Variants in CCDC149 observed in about 807,000 individuals in gnomAD.
CCDC149 encodes the protein coiled-coil domain containing 149.
In CCDC149, 45 loss-of-function variants were observed where a neutral mutation model predicts 59.9. That is an observed-to-expected ratio of 0.75 (90% CI 0.59 to 0.96). CCDC149 has a LOEUF of 0.96. Ranked by LOEUF, CCDC149 falls within the 40% of genes least tolerant of loss-of-function variation. The pLI is 0.00. For synonymous variants in CCDC149, 245 were observed against 260.6 expected, an observed-to-expected ratio of 0.94 and a Z score of 0.58; for missense variants, 584 against 664.7, an observed-to-expected ratio of 0.88 and a Z score of 1.33.
chr4:24,965,737 C>G (rs968682057), intron 1 of CCDC149, among the ~76,000 whole-genome samples: 1 of 152,188 alleles, frequency 6.6e-6, no homozygotes, highest in African/African-American at 2.4e-5. Flanking sequence ...ACTCGAAAAA[C>G]AAGGGCCAAT....
chr4:24,816,123 A>G (rs142465303), intron 12 of CCDC149, among the ~76,000 whole-genome samples: 1 of 152,048 alleles, frequency 6.6e-6, no homozygotes, highest in South Asian at 2.1e-4. Context: ...AGGATCTCAC[A>G]CTGTCCCAGG....
At chr4:24,825,678 C>A (rs1715685048) in intron 9 of CCDC149, among the ~76,000 whole-genome samples, 1 of 151,148 alleles carries the variant, frequency 6.6e-6, no homozygotes, top group Non-Finnish European at 1.5e-5. Context: ...GAGGCTGAGG[C>A]AGGAGAATGG....
chr4:24,914,914 T>A (rs1246344307), upstream of CCDC149, among the ~76,000 whole-genome samples: 1 of 152,178 alleles, frequency 6.6e-6, no homozygotes, highest in South Asian at 2.1e-4. Context: ...AGTATACTAG[T>A]CAGCACATTG....
At chr4:24,925,439 C>T (rs1339539495) in intron 1 of CCDC149, among the ~76,000 whole-genome samples, 1 of 152,180 alleles carries the variant, frequency 6.6e-6, no homozygotes, top group African/African-American at 2.4e-5. Flanking sequence ...CTTTTCATCT[C>T]GTACTGTCTC....
chr4:24,968,545 G>T (rs1156473505), intron 1 of CCDC149, among the ~76,000 whole-genome samples: 1 of 152,140 alleles, frequency 6.6e-6, no homozygotes. Context: ...AAGGCCATGG[G>T]GCCCGAGGCA....
chr4:24,912,979 C>T lies in CCDC149; in HGVS notation c.-100G>A, dbSNP rs1721988615. On this transcript the variant is annotated 5_prime_UTR_variant, in exon 1 of 13. Transcript: ENST00000635206. Reference sequence around the variant, plus strand: ...CGCGCGGCCCCGAGAGGGCCCGGCGCCTCCGAGCCGCTGCGCCGCCGCCTC... The same window carrying T: ...CGCGCGGCCCCGAGAGGGCCCGGCGTCTCCGAGCCGCTGCGCCGCCGCCTC... 2.3e-6 allele frequency: 1 copy of T among 432,860 alleles called. No homozygotes were observed. Among genetic ancestry groups the T allele is most frequent in the Non-Finnish European group, 3.2e-6 (1 of 313,342 alleles). 26.8% of individuals were successfully genotyped at this position (432,860 alleles called of 1,614,324 possible).
intron 1 of CCDC149, among the ~76,000 whole-genome samples, chr4:24,893,606 A>G (rs1720653236): frequency 1.1e-5 from 1 of 88,046 alleles, no homozygotes; most frequent in African/African-American, 4.0e-5. Context: ...ACAATCTAAA[A>G]TACAGACTTT....
intron 1 of CCDC149, among the ~76,000 whole-genome samples, chr4:24,972,724 A>G (rs180807473): frequency 6.5e-4 from 99 of 152,288 alleles, no homozygotes; most frequent in African/African-American, 2.3e-3. Context: ...TTCCAATCTG[A>G]CCCTGGCATA....
intron 1 of CCDC149, among the ~76,000 whole-genome samples, chr4:24,957,911 CT>C (rs1386286963): frequency 3.9e-5 from 6 of 152,120 alleles, no homozygotes; most frequent in African/African-American, 1.4e-4. Flanking sequence ...GGGTGGACTC[CT>C]GAGAGTAGAC....
intron 3 of CCDC149, among the ~76,000 whole-genome samples, chr4:24,872,116 G>A (rs545232166): frequency 6.6e-6 from 1 of 152,302 alleles, no homozygotes; most frequent in African/African-American, 2.4e-5. Context: ...AAAACAATAA[G>A]AATAATGTGG....
Position 24,806,734 on chromosome 4 carries a change from G to C in CCDC149, c.*1655C>G, listed in dbSNP as rs971777607. On this transcript the variant is annotated 3_prime_UTR_variant, in exon 13 of 13. Transcript: ENST00000635206. ...ATAGGCTGGGACAGAAGGAAGGATG[G>C]AATACTGGACCTGGTGGCCAGGGGT... 2.0e-5 allele frequency: 3 copies of C among 153,288 alleles called. No homozygotes were observed. Among genetic ancestry groups the C allele is most frequent in the Admixed American group, 6.5e-5 (1 of 15,290 alleles). The allele number at this position is 153,288 out of a possible 1,614,324, so 9.5% of individuals were successfully genotyped here.
At chr4:24,890,740 T>A (rs1577456339) in intron 1 of CCDC149, among the ~76,000 whole-genome samples, 1 of 152,246 alleles carries the variant, frequency 6.6e-6, no homozygotes, top group South Asian at 2.1e-4. Flanking sequence ...AGCTCTCTGA[T>A]ACTTGAGTCA....
chr4:24,818,645 T>C (rs1191364163), intron 12 of CCDC149, among the ~76,000 whole-genome samples: 1 of 152,130 alleles, frequency 6.6e-6, no homozygotes, highest in East Asian at 1.9e-4. Flanking sequence ...CCAGGATGGC[T>C]CACTCCAGTG....
chr4:24,879,066 G>A (rs1369215589), intron 1 of CCDC149, among the ~76,000 whole-genome samples: 1 of 152,180 alleles, frequency 6.6e-6, no homozygotes, highest in Non-Finnish European at 1.5e-5. Context: ...ATAATTTTAC[G>A]CCATGTTATT....
intron 1 of CCDC149, among the ~76,000 whole-genome samples, chr4:24,972,535 T>C (rs1487779302): frequency 1.3e-5 from 2 of 152,050 alleles, no homozygotes; most frequent in African/African-American, 4.8e-5. Flanking sequence ...CTCAAACCCC[T>C]GAGCTAAAGC....
rs1030522436 is a variant in CCDC149 at position 24,846,687 on chromosome 4, C to T, written c.372+6385G>A. On this transcript the variant is annotated intron_variant, in intron 4 of 12. Coordinates refer to ENST00000635206, the MANE Select transcript of CCDC149 (RefSeq NM_001330643.2). ...ACCAATGACAGATAAAACAGAGGTA[C>T]CTAAAGACCTTCAGCTGGTATAACA... 7.2e-5 allele frequency among the ~76,000 whole-genome samples: 11 copies of T among 152,054 alleles called. 1 individual carries two copies. The highest frequency in any genetic ancestry group is 6.6e-4 in the Admixed American group (10 of 15,248).
At chr4:24,829,948 G>A (rs1716026971) in intron 9 of CCDC149, 1 of 152,586 alleles carries the variant, frequency 6.6e-6, no homozygotes, top group Non-Finnish European at 1.5e-5. Context: ...GGGAGTTCAG[G>A]GCAAAGAGGC....
chr4:24,944,817 G>T (rs1170200407), intron 1 of CCDC149, among the ~76,000 whole-genome samples: 1 of 152,106 alleles, frequency 6.6e-6, no homozygotes, highest in Non-Finnish European at 1.5e-5. Flanking sequence ...GTCATGTATG[G>T]TTTGAAAGGA....
intron 1 of CCDC149, among the ~76,000 whole-genome samples, chr4:24,944,956 C>T (rs532981676): frequency 9.2e-5 from 14 of 152,162 alleles, no homozygotes; most frequent in Admixed American, 7.9e-4. Flanking sequence ...CACAAACCCT[C>T]CTTTCTCCTT....
Sources: allele counts gnomAD v4.1 joint callset (sites outside exome capture counted in the v4.1 genomes callset), GRCh38; gene constraint gnomAD v4.1.1; transcripts MANE v1.5; gene names NCBI Gene and HGNC (gene_info 2026-07-23, HGNC 2026-07-21).